RGL1: variants seen among roughly 807,000 people sequenced by gnomAD.
RGL1 encodes ral guanine nucleotide dissociation stimulator like 1.
RGL1 carries 24 observed loss-of-function variants against 95.2 expected under a neutral mutation model. The ratio of observed to expected loss-of-function variants is 0.25; its 90% CI spans 0.18 to 0.35. The LOEUF (loss-of-function observed/expected upper bound fraction) is 0.35, where lower values mean the gene tolerates loss of function less well. Ranked by LOEUF, RGL1 falls within the 10% of genes least tolerant of loss-of-function variation. RGL1 has a pLI of 1.00. For synonymous variants in RGL1, 329 were observed against 344.9 expected, an observed-to-expected ratio of 0.95 and a Z score of 0.51; for missense variants, 715 against 936.3, an observed-to-expected ratio of 0.76 and a Z score of 3.08.
At chr1:183,742,844 T>G (rs2102259967) in intron 2 of RGL1, among the ~76,000 whole-genome samples, 1 of 152,198 alleles carries the variant, frequency 6.6e-6, no homozygotes. Flanking sequence ...AAAATACATA[T>G]TGGCAAGATA....
chr1:183,649,866 C>T (rs1397688741), intron 1 of RGL1, among the ~76,000 whole-genome samples: 2 of 152,186 alleles, frequency 1.3e-5, no homozygotes, highest in African/African-American at 4.8e-5. Context: ...GATTGCAGTG[C>T]AGTGAGATGA....
At chr1:183,924,781 T>TAAAAATACAA (rs1347121520) in intron 17 of RGL1, among the ~76,000 whole-genome samples, 16 of 106,534 alleles carry the variant, frequency 1.5e-4, no homozygotes, top group African/African-American at 5.4e-4. Flanking sequence ...CCGCCTCTAC[T>TAAAAATACAA]AAAAATACAA....
intron 1 of RGL1, among the ~76,000 whole-genome samples, chr1:183,679,903 C>T (rs1653094833): frequency 6.6e-6 from 1 of 152,152 alleles, no homozygotes; most frequent in South Asian, 2.1e-4. Context: ...TTAATGATTG[C>T]CATTCTAACT....
intron 4 of RGL1, among the ~76,000 whole-genome samples, chr1:183,868,280 T>A (rs188791042): frequency 6.6e-6 from 1 of 152,332 alleles, no homozygotes; most frequent in Admixed American, 6.5e-5. Flanking sequence ...TAGATTGGAC[T>A]TACTTCATGA....
rs1667009844 is a variant in RGL1, at chr1:183,884,625, C to T, written c.736-98C>T. The T allele has an allele frequency of 3.2e-6, 3 of 933,292 alleles. No homozygotes were observed. In the South Asian group the frequency reaches 4.8e-5, roughly 15 times the overall value. 57.8% of individuals were successfully genotyped at this position (933,292 alleles called of 1,614,324 possible). A position where few individuals can be genotyped will look rare whatever the true frequency, so the allele number is the denominator to read the frequency against. On this transcript the variant is annotated intron_variant, in intron 6 of 17. Transcript: ENST00000360851. Reference sequence around the variant, plus strand: ...ATCAAGTAGAAAAGGATTATCTGGCCATTCACAAAAATACCAATTTACAAA... The same window carrying T: ...ATCAAGTAGAAAAGGATTATCTGGCTATTCACAAAAATACCAATTTACAAA...
At chr1:183,888,430 T>G (rs750502231) in intron 7 of RGL1, 44 bp from the exon 8 acceptor site, 2 of 1,122,810 alleles carry the variant, frequency 1.8e-6, no homozygotes, top group Non-Finnish European at 1.4e-6. Context: ...CATTGTAATA[T>G]TGATAGTTAA....
In RGL1 at chr1:183,793,136, G is replaced by C. The variant is rs183270179; in HGVS notation, c.133-13239G>C. 1.4e-3 allele frequency among the ~76,000 whole-genome samples: 210 copies of C among 152,106 alleles called. 1 individual carries two copies. The highest frequency in any genetic ancestry group is 1.4e-3 in the Non-Finnish European group (92 of 67,914). On this transcript the variant is annotated intron_variant, in intron 2 of 18. Coordinates refer to the RGL1 transcript ENST00000304685. ...ATAGAGAAATCAGAAATAAATCCTT[G>C]TCCCTACAGCCAACTGGCTTTTGAC... is the stretch of plus-strand genomic sequence containing the variant.
chr1:183,847,379 C>T (rs1664512011), intron 2 of RGL1, among the ~76,000 whole-genome samples, 187 bp from the exon 3 acceptor site: 1 of 152,132 alleles, frequency 6.6e-6, no homozygotes, highest in Non-Finnish European at 1.5e-5. Flanking sequence ...CACTCGAGCC[C>T]AGGAGCTCCA....
intron 1 of RGL1, among the ~76,000 whole-genome samples, chr1:183,672,463 T>C (rs533941248): frequency 6.6e-6 from 1 of 152,242 alleles, no homozygotes; most frequent in Admixed American, 6.5e-5. Context: ...CATTTTCATT[T>C]ATTCTATGTG....
chr1:183,858,859 C>T (rs993616214), intron 3 of RGL1, among the ~76,000 whole-genome samples: 2 of 152,084 alleles, frequency 1.3e-5, no homozygotes, highest in African/African-American at 2.4e-5. Flanking sequence ...GAAAAGTATT[C>T]TTGAAAATGA....
chr1:183,801,559 G>A (rs562078059), upstream of RGL1, among the ~76,000 whole-genome samples: 11 of 152,238 alleles, frequency 7.2e-5, no homozygotes, highest in South Asian at 1.9e-3. Flanking sequence ...TGATATCCAA[G>A]AAATCATTGC....
At chr1:183,728,378 A>G (rs530614423) in intron 1 of RGL1, among the ~76,000 whole-genome samples, 2 of 152,254 alleles carry the variant, frequency 1.3e-5, no homozygotes, top group South Asian at 4.1e-4. Flanking sequence ...CCATACATAT[A>G]TAGCCAATTT....
chr1:183,729,859 G>A (rs185183953), intron 1 of RGL1, among the ~76,000 whole-genome samples: 101 of 151,718 alleles, frequency 6.7e-4, no homozygotes, highest in African/African-American at 2.2e-3. Context: ...AAAGAAGACC[G>A]AAAAAAAAGT....
At chr1:183,756,351 G>T (rs182109863) in intron 2 of RGL1, among the ~76,000 whole-genome samples, 1 of 152,280 alleles carries the variant, frequency 6.6e-6, no homozygotes, top group Admixed American at 6.5e-5. Context: ...AGGGAAAACT[G>T]TAAAGGGGAG....
chr1:183,852,453 C>T (rs947358185), intron 3 of RGL1, among the ~76,000 whole-genome samples: 6 of 152,162 alleles, frequency 3.9e-5, no homozygotes, highest in African/African-American at 1.4e-4. Flanking sequence ...TTCTTGAATT[C>T]TGGGCCAGCA....
intron 8 of RGL1, among the ~76,000 whole-genome samples, chr1:183,891,265 C>T (rs1175790380): frequency 6.6e-6 from 1 of 151,944 alleles, no homozygotes; most frequent in Non-Finnish European, 1.5e-5. Context: ...TCTTTGTCTT[C>T]AGAATCATGC....
intron 1 of RGL1, among the ~76,000 whole-genome samples, chr1:183,708,620 TC>T (rs1558164942): frequency 6.6e-6 from 1 of 152,182 alleles, no homozygotes; most frequent in Admixed American, 6.5e-5. Flanking sequence ...CTTAGAGGCA[TC>T]CCCCTAAGAC....
chr1:183,805,264 A>G lies in RGL1; in HGVS notation c.-34A>G. On this transcript the variant is annotated 5_prime_UTR_variant, in exon 1 of 18. The change abolishes an upstream ATG in the 5' untranslated region. Transcript: ENST00000360851. ...CGTTGGCCTCCGAGCAGGGCGCATC[A>G]TGCAGCGTTCGCGCACCGGAGAGAA... 1.2e-6 allele frequency: 2 copies of G among 1,609,854 alleles called. No individual in the cohort carries two copies. Among genetic ancestry groups the G allele is most frequent in the Non-Finnish European group, 1.7e-6 (2 of 1,178,648 alleles).
At chr1:183,814,197 CAGAGAG>C (rs35425847) in intron 2 of RGL1, among the ~76,000 whole-genome samples, 4 of 151,312 alleles carry the variant, frequency 2.6e-5, no homozygotes, top group South Asian at 2.1e-4. Context: ...TAGTCTCATA[CAGAGAG>C]AGAGAGAGAG....
Sources: allele counts gnomAD v4.1 joint callset (sites outside exome capture counted in the v4.1 genomes callset), GRCh38; gene constraint gnomAD v4.1.1; transcripts MANE v1.5; gene names NCBI Gene and HGNC (gene_info 2026-07-23, HGNC 2026-07-21).